KCNH5: variants seen among roughly 807,000 people sequenced by gnomAD.
KCNH5 encodes the protein voltage-gated delayed rectifier potassium channel KCNH5.
A neutral mutation model predicts 96.1 loss-of-function variants in KCNH5; 46 were observed. The observed-to-expected ratio is 0.48, with a 90% CI of 0.38 to 0.61. The LOEUF (loss-of-function observed/expected upper bound fraction) is 0.61, where lower values mean the gene tolerates loss of function less well. Among genes scored for constraint, KCNH5 ranks in the 20% least tolerant of loss-of-function variants. The probability of loss-of-function intolerance (pLI) is 0.00; values close to 1 mark genes in which losing one functional copy is unlikely to be tolerated. For missense variants in KCNH5, 907 were observed against 1,225.8 expected, an observed-to-expected ratio of 0.74 and a Z score of 3.88; for synonymous variants, 439 against 449.8, an observed-to-expected ratio of 0.98 and a Z score of 0.30.
At chr14:62,854,773 T>C (rs1328817942) in intron 7 of KCNH5, among the ~76,000 whole-genome samples, 1 of 151,774 alleles carries the variant, frequency 6.6e-6, no homozygotes, top group Admixed American at 6.6e-5. Flanking sequence ...CTGGCATACA[T>C]ACCAGCAAAT....
At chr14:62,776,317 C>T (rs1243352639) in intron 10 of KCNH5, among the ~76,000 whole-genome samples, 4 of 151,754 alleles carry the variant, frequency 2.6e-5, no homozygotes, top group African/African-American at 9.7e-5. Flanking sequence ...CCTTATAAGA[C>T]ACCAATGAGC....
intron 1 of KCNH5, among the ~76,000 whole-genome samples, chr14:63,018,430 G>A (rs568373570): frequency 1.3e-5 from 2 of 152,054 alleles, no homozygotes; most frequent in Admixed American, 6.6e-5. Flanking sequence ...AGACAATAAG[G>A]AATCCAGCAG....
chr14:62,711,802 C>T (rs1884574630), intron 10 of KCNH5, among the ~76,000 whole-genome samples: 1 of 152,202 alleles, frequency 6.6e-6, no homozygotes. Context: ...AGAAGCCAGG[C>T]AAGGCAAAAG....
chr14:62,708,947 T>A (rs1884504943), intron 10 of KCNH5, among the ~76,000 whole-genome samples: 1 of 152,234 alleles, frequency 6.6e-6, no homozygotes, highest in Admixed American at 6.5e-5. Context: ...AAACCATTTT[T>A]AATATTATCC....
chr14:62,829,718 G>A (rs527456637), intron 8 of KCNH5, among the ~76,000 whole-genome samples: 1 of 152,170 alleles, frequency 6.6e-6, no homozygotes. Context: ...CTGCCCTGAA[G>A]ATCTCCGAAA....
intron 3 of KCNH5, among the ~76,000 whole-genome samples, chr14:63,005,885 T>G (rs1204993037): frequency 6.6e-6 from 1 of 152,230 alleles, no homozygotes; most frequent in Admixed American, 6.5e-5. Context: ...TCTACTAGGC[T>G]TTCTCACAAA....
intron 2 of KCNH5, among the ~76,000 whole-genome samples, chr14:63,015,192 A>T (rs1891303467): frequency 6.6e-6 from 1 of 152,084 alleles, no homozygotes; most frequent in African/African-American, 2.4e-5. Flanking sequence ...TCAAGCCTGG[A>T]TAGGCACCAG....
intron 10 of KCNH5, among the ~76,000 whole-genome samples, chr14:62,726,617 A>C (rs1884930974): frequency 6.6e-6 from 1 of 152,166 alleles, no homozygotes; most frequent in Non-Finnish European, 1.5e-5. Flanking sequence ...AAATGAAAAA[A>C]AAAAATAGAA....
chr14:62,766,153 T>C (rs988174584), intron 10 of KCNH5, among the ~76,000 whole-genome samples: 1 of 152,140 alleles, frequency 6.6e-6, no homozygotes, highest in Non-Finnish European at 1.5e-5. Flanking sequence ...TAAAATGGCT[T>C]ATATCCAAAA....
intron 7 of KCNH5, among the ~76,000 whole-genome samples, chr14:62,936,666 C>A (rs1889686386): frequency 1.0e-5 from 1 of 98,886 alleles, no homozygotes; most frequent in African/African-American, 4.7e-5. Flanking sequence ...TAGAGCGAGA[C>A]CCTGCCTCAA....
chr14:62,892,275 G>A (rs1348382333), intron 7 of KCNH5, among the ~76,000 whole-genome samples: 1 of 152,168 alleles, frequency 6.6e-6, no homozygotes, highest in Non-Finnish European at 1.5e-5. Context: ...AAATTTAAAT[G>A]ATCTGGATAG....
chr14:62,755,985 G>A (rs556741099), intron 10 of KCNH5, among the ~76,000 whole-genome samples: 1 of 151,736 alleles, frequency 6.6e-6, no homozygotes, highest in South Asian at 2.1e-4. Context: ...ATATATTATA[G>A]ATCCACAGCT....
Position 63,006,472 on chromosome 14 carries a change from A to G in KCNH5, c.198T>C (p.Ser66=). 6.4e-7 allele frequency: 1 copy of G among 1,567,248 alleles called. No homozygotes were observed. The highest frequency in any genetic ancestry group is 8.8e-7 in the Non-Finnish European group (1 of 1,141,376). The change falls in exon 3 of 11, where the codon AGT becomes AGC. Residue 66 remains serine, a splice_region_variant and synonymous_variant. Coordinates refer to ENST00000322893, the MANE Select transcript of KCNH5 (RefSeq NM_139318.5). The part of the protein sequence containing the change: ...ADVMQKSSTC[S]FMYGELTDKK... ...TGTCAGTCAATTCCCCATACATAAA[A>G]CTGGGGGGGAAAAAAAACAAACAAT...
chr14:62,797,060 G>A (rs2139994503), intron 9 of KCNH5, among the ~76,000 whole-genome samples: 1 of 152,214 alleles, frequency 6.6e-6, no homozygotes, highest in South Asian at 2.1e-4. Flanking sequence ...GGCCCAAGAT[G>A]TTTTCCTTTC....
intron 1 of KCNH5, among the ~76,000 whole-genome samples, chr14:63,034,810 G>GT (rs1265943517): frequency 1.3e-5 from 2 of 152,224 alleles, no homozygotes; most frequent in East Asian, 1.9e-4. Flanking sequence ...TGAAATTCTA[G>GT]TGGTAGGAAT....
At chr14:62,969,927 T>C (rs1386828090) in intron 6 of KCNH5, among the ~76,000 whole-genome samples, 6 of 148,108 alleles carry the variant, frequency 4.1e-5, no homozygotes, top group Non-Finnish European at 8.9e-5. Context: ...CCAGGCGTGG[T>C]GGCATGCGCC....
chr14:62,753,089 A>G (rs983555900), intron 10 of KCNH5, among the ~76,000 whole-genome samples: 2 of 152,234 alleles, frequency 1.3e-5, no homozygotes, highest in African/African-American at 4.8e-5. Flanking sequence ...AGGAAACTCA[A>G]AGAAATTCAA....
chr14:62,884,895 T>C (rs1222035260), intron 7 of KCNH5, among the ~76,000 whole-genome samples: 1 of 152,192 alleles, frequency 6.6e-6, no homozygotes, highest in African/African-American at 2.4e-5. Context: ...TGAAAGTGAA[T>C]TAGACACAAA....
At chr14:62,736,917 T>G (rs990003690) in intron 10 of KCNH5, among the ~76,000 whole-genome samples, 1 of 152,164 alleles carries the variant, frequency 6.6e-6, no homozygotes, top group African/African-American at 2.4e-5. Context: ...CTCACCACAG[T>G]ACAGGCTAAC....
Sources: allele counts gnomAD v4.1 joint callset (sites outside exome capture counted in the v4.1 genomes callset), GRCh38; gene constraint gnomAD v4.1.1; transcripts MANE v1.5; gene names NCBI Gene and HGNC (gene_info 2026-07-23, HGNC 2026-07-21).